Variants in CTPS2 observed in about 807,000 individuals in gnomAD.
CTPS2 encodes the protein CTP synthase II.
CTPS2 carries 19 observed loss-of-function variants against 46.8 expected under a neutral mutation model. That is an observed-to-expected ratio of 0.41 (90% confidence interval 0.28 to 0.60). The LOEUF (loss-of-function observed/expected upper bound fraction) is 0.60. Ranked by LOEUF, CTPS2 falls within the 20% of genes least tolerant of loss-of-function variation. The pLI is 0.35. For missense variants in CTPS2, 286 were observed against 447.6 expected, an observed-to-expected ratio of 0.64 and a Z score of 3.26; for synonymous variants, 151 against 165.2, an observed-to-expected ratio of 0.91 and a Z score of 0.66.
intron 8 of CTPS2, among the ~76,000 whole-genome samples, chrX:16,686,213 T>C (rs1383278242): frequency 1.8e-5 from 2 of 112,088 alleles, no homozygotes; most frequent in African/African-American, 6.5e-5. Context: ...CATTCTTAAA[T>C]AAATAAAAGA....
At chrX:16,634,957 GAAAAA>G (rs869060952) in intron 14 of CTPS2, among the ~76,000 whole-genome samples, 1 of 65,586 alleles carries the variant, frequency 1.5e-5, no homozygotes, top group Non-Finnish European at 2.8e-5. Flanking sequence ...CTCAAAAAGA[GAAAAA>G]AAAAAAAAAA....
chrX:16,595,193 G>A (rs867354292), intron 17 of CTPS2, among the ~76,000 whole-genome samples: 4 of 100,760 alleles, frequency 4.0e-5, no homozygotes, highest in Admixed American at 1.0e-4. Flanking sequence ...ACACACACAC[G>A]TTTCTCACAG....
At chrX:16,615,965 T>C (rs1426489796) in intron 16 of CTPS2, among the ~76,000 whole-genome samples, 2 of 112,421 alleles carry the variant, frequency 1.8e-5, no homozygotes, top group Non-Finnish European at 3.8e-5. Context: ...CAAATTTGAA[T>C]GGCATACACT....
intron 8 of CTPS2, among the ~76,000 whole-genome samples, chrX:16,685,484 C>A (rs1240109302): frequency 1.8e-5 from 2 of 110,582 alleles, no homozygotes; most frequent in Admixed American, 9.7e-5. Flanking sequence ...GTGAGGCAAG[C>A]ATGTGATACT....
chrX:16,674,351 C>T (rs1332903262), intron 10 of CTPS2, among the ~76,000 whole-genome samples: 8 of 109,466 alleles, frequency 7.3e-5, no homozygotes, highest in African/African-American at 2.7e-4. Context: ...TTAGTAGAGA[C>T]GGGGTTTCAC....
intron 4 of CTPS2, among the ~76,000 whole-genome samples, chrX:16,695,713 G>A (rs889789615): frequency 1.8e-5 from 2 of 109,702 alleles, no homozygotes; most frequent in African/African-American, 3.3e-5. Context: ...CACCACGCCC[G>A]GCTAATTTTT....
intron 13 of CTPS2, among the ~76,000 whole-genome samples, chrX:16,649,249 A>G (rs1010100643): frequency 7.1e-5 from 8 of 112,491 alleles, no homozygotes; most frequent in African/African-American, 2.6e-4. Flanking sequence ...AAAAGCAGAC[A>G]CAGGACCAAC....
At chrX:16,591,381 T>C (rs1292385021) in intron 17 of CTPS2, among the ~76,000 whole-genome samples, 2 of 111,486 alleles carry the variant, frequency 1.8e-5, no homozygotes, top group African/African-American at 6.5e-5. Context: ...CTACTCCTAC[T>C]GATGTCAATT....
chrX:16,689,702 CTGATA>C, intron 7 of CTPS2, 101 bp from the exon 8 acceptor site: 1 of 728,628 alleles, frequency 1.4e-6, no homozygotes, highest in Non-Finnish European at 2.0e-6. Flanking sequence ...TTTATTTACA[CTGATA>C]TAACACACAC....
intron 17 of CTPS2, among the ~76,000 whole-genome samples, chrX:16,592,634 C>T: frequency 9.0e-6 from 1 of 111,256 alleles, no homozygotes; most frequent in East Asian, 2.8e-4. Flanking sequence ...TGGCTCAAGA[C>T]CCAGAAAACA....
intron 13 of CTPS2, among the ~76,000 whole-genome samples, chrX:16,645,090 C>T (rs1038074153): frequency 9.0e-6 from 1 of 111,501 alleles, no homozygotes; most frequent in African/African-American, 3.3e-5. Context: ...TCACGCCATT[C>T]TCCTGCCTCA....
chrX:16,694,916 G>C (rs746201415), intron 4 of CTPS2, among the ~76,000 whole-genome samples: 3 of 111,380 alleles, frequency 2.7e-5, no homozygotes, highest in Non-Finnish European at 5.7e-5. Flanking sequence ...GATCGCTTGA[G>C]CCTGGAGAAG....
intron 6 of CTPS2, 122 bp from the exon 7 acceptor site, chrX:16,691,742 T>C (rs1461996778): frequency 1.9e-6 from 1 of 526,619 alleles, no homozygotes; most frequent in Non-Finnish European, 3.3e-6. Context: ...TCCACTGGAC[T>C]ATTAGAAATT....
intron 9 of CTPS2, among the ~76,000 whole-genome samples, chrX:16,682,523 G>T (rs985978377): frequency 8.9e-6 from 1 of 111,957 alleles, no homozygotes; most frequent in Non-Finnish European, 1.9e-5. Flanking sequence ...CAGCAAGCCT[G>T]GCTGCTGCCC....
intron 14 of CTPS2, among the ~76,000 whole-genome samples, chrX:16,625,762 A>T (rs1231909337): frequency 1.8e-5 from 2 of 109,748 alleles, no homozygotes; most frequent in African/African-American, 6.7e-5. Context: ...CTTCCCCTGG[A>T]GTTTGGCCGT....
At chrX:16,687,102 G>A (rs1923265010) in intron 8 of CTPS2, among the ~76,000 whole-genome samples, 1 of 110,558 alleles carries the variant, frequency 9.0e-6, no homozygotes, top group Admixed American at 9.8e-5. Context: ...CTCCAGGACT[G>A]TGAGAGAATA....
chrX:16,597,218 T>G (rs1008644334), intron 17 of CTPS2, among the ~76,000 whole-genome samples: 65 of 112,033 alleles, frequency 5.8e-4, no homozygotes, highest in Non-Finnish European at 9.0e-4. Context: ...TTTGTCAATT[T>G]TGGCTTTTGT....
intron 13 of CTPS2, among the ~76,000 whole-genome samples, chrX:16,663,875 A>G (rs971390565): frequency 8.1e-5 from 9 of 110,611 alleles, no homozygotes; most frequent in African/African-American, 1.3e-4. Context: ...TTGCTTTGTC[A>G]CCCAGGCTGG....
intron 13 of CTPS2, chrX:16,650,962 G>T (rs1359448002): frequency 8.6e-7 from 1 of 1,166,410 alleles, no homozygotes; most frequent in African/African-American, 1.8e-5. Context: ...CTGTACTTCA[G>T]CTTTTTGGTA....
Sources: gnomAD v4.1 joint callset for allele counts (sites outside exome capture counted in the v4.1 genomes callset) on GRCh38, gnomAD v4.1.1 for gene constraint, MANE v1.5 for transcripts, NCBI Gene and HGNC (gene_info 2026-07-23, HGNC 2026-07-21) for gene names.